The following PMS2 variants were observed in gnomAD, a reference collection of about 807,000 sequenced individuals.
PMS2 encodes the protein mismatch repair endonuclease PMS2.
PMS2 carries 69 observed loss-of-function variants against 90.0 expected under a neutral mutation model. That is an observed-to-expected ratio of 0.77 (90% confidence interval 0.63 to 0.94). The LOEUF is 0.94. Ranked by LOEUF, PMS2 falls within the 40% of genes least tolerant of loss-of-function variation. The pLI is 0.00. For synonymous variants in PMS2, 332 were observed against 375.1 expected, an observed-to-expected ratio of 0.89 and a Z score of 1.33; for missense variants, 966 against 1,040.2, an observed-to-expected ratio of 0.93 and a Z score of 0.98.
chr7:5,987,311 G>T lies in PMS2; in HGVS notation c.1454C>A (p.Thr485Lys), dbSNP rs1805323. 91,930 of 1,614,064 alleles carry T rather than the reference G, an allele frequency of 0.057. 5,854 individuals are homozygous for T. Among genetic ancestry groups the T allele is most frequent in the East Asian group, 0.37 (16,462 of 44,864 alleles). Residue 485 changes from threonine (T) to lysine (K), a missense_variant, in exon 11 of 15, where the codon ACG becomes AAG. Transcript: ENST00000265849. ...GTCCTTCTCCACCTCCGCTCTGTCC[G>T]TAGGGTCACTGGGTCCGTGACTGGA... ...VSSSHGPSDP[T>K]DRAEVEKDSG... is the part of the protein sequence containing the mutation.
At chr7:5,988,225 G>C (rs1455221553) in intron 10 of PMS2, among the ~76,000 whole-genome samples, 1 of 151,964 alleles carries the variant, frequency 6.6e-6, no homozygotes, top group Non-Finnish European at 1.5e-5. Context: ...AAAGTTCTCT[G>C]GGAATACCTC....
intron 5 of PMS2, chr7:6,001,832 A>C (rs968880741): frequency 2.0e-5 from 3 of 151,990 alleles, no homozygotes; most frequent in Admixed American, 1.3e-4. Context: ...GTCTCTACTA[A>C]AAATACAAAA....
chr7:5,998,323 G>A (rs1424518433), intron 6 of PMS2, among the ~76,000 whole-genome samples: 6 of 149,478 alleles, frequency 4.0e-5, no homozygotes, highest in South Asian at 2.1e-4. Context: ...CTCGTGATCC[G>A]CCCACCTCAG....
intron 6 of PMS2, among the ~76,000 whole-genome samples, chr7:5,998,413 C>T (rs1345737980): frequency 6.9e-6 from 1 of 145,974 alleles, no homozygotes; most frequent in African/African-American, 2.5e-5. Context: ...AATTCTTAAT[C>T]TGGGCGCAGT....
chr7:6,003,831 G>C (rs2128828211), intron 3 of PMS2, 39 bp from the exon 4 acceptor site: 2 of 1,380,176 alleles, frequency 1.4e-6, no homozygotes, highest in Non-Finnish European at 2.1e-6. Context: ...GATATCTCAA[G>C]TGCTATAACA....
In PMS2 at chr7:5,987,307, G is replaced by A. The variant is rs1554297734; in HGVS notation, c.1458C>T (p.Asp486=). ...CCGAGTCCTTCTCCACCTCCGCTCTGTCCGTAGGGTCACTGGGTCCGTGAC... is the reference window on the plus strand; with the variant it reads ...CCGAGTCCTTCTCCACCTCCGCTCTATCCGTAGGGTCACTGGGTCCGTGAC... The part of the protein sequence containing the change: ...SSSHGPSDPT[D]RAEVEKDSGH... Residue 486 remains aspartate, a synonymous_variant, in exon 11 of 15, where the codon GAC becomes GAT. Transcript: ENST00000265849. The A allele has an allele frequency of 1.2e-6, 2 of 1,614,130 alleles. No individual in the cohort carries two copies. The highest frequency in any genetic ancestry group is 1.1e-5 in the South Asian group (1 of 91,076).
intron 14 of PMS2, among the ~76,000 whole-genome samples, chr7:5,977,246 G>A (rs535794499): frequency 0.023 from 3,315 of 143,682 alleles, 34 homozygotes; most frequent in Non-Finnish European, 0.036. Context: ...TAGTAGAGAC[G>A]GGCTTTCACC....
intron 2 of PMS2, 92 bp downstream of exon 2, chr7:6,005,800 C>T (rs2128842144): frequency 1.9e-6 from 3 of 1,586,036 alleles, no homozygotes; most frequent in Non-Finnish European, 2.6e-6. Context: ...ACTACATCAA[C>T]ACTTGATAGT....
At chr7:5,994,367 C>T (rs906642072) in intron 8 of PMS2, among the ~76,000 whole-genome samples, 1 of 150,120 alleles carries the variant, frequency 6.7e-6, no homozygotes, top group African/African-American at 2.5e-5. Context: ...GCCAACAGGG[C>T]GAGACTCCAT....
rs2128776567 is a variant in PMS2, at chr7:5,995,640, A to G, written c.804-7T>C. 1 of 1,580,716 alleles carries G rather than the reference A, an allele frequency of 6.3e-7. No individual in the cohort carries two copies. Among genetic ancestry groups the G allele is most frequent in the Non-Finnish European group, 8.7e-7 (1 of 1,149,466 alleles). On this transcript the variant is annotated splice_region_variant and splice_polypyrimidine_tract_variant and intron_variant, in intron 7 of 14. Transcript: ENST00000265849. Reference sequence around the variant, plus strand: ...TGAAATGAAACCTGAGATGCTATTCAACATTAATATGGTAAGGGCAGGATT... The same window carrying G: ...TGAAATGAAACCTGAGATGCTATTCGACATTAATATGGTAAGGGCAGGATT...
chr7:5,998,675 C>A lies in PMS2; in HGVS notation c.705+433G>T, dbSNP rs1368806607. ...CGCCACTGCACTCCAACCTGGGCAACAGAGCAAGACTCCAGCTCAAAAAAA... is the reference window on the plus strand; with the variant it reads ...CGCCACTGCACTCCAACCTGGGCAAAAGAGCAAGACTCCAGCTCAAAAAAA... On this transcript the variant is annotated intron_variant, in intron 6 of 14. Coordinates refer to ENST00000265849, the MANE Select transcript of PMS2 (RefSeq NM_000535.7). Among the ~76,000 whole-genome samples the A allele has an allele frequency of 3.6e-5, 5 of 140,592 alleles. No homozygotes were observed. The East Asian group carries it at 8.5e-4, about 24-fold the overall frequency. The allele number at this position is 140,592 out of a possible 152,430, so 92.2% of individuals were successfully genotyped here. A position where few individuals can be genotyped will look rare whatever the true frequency, so the allele number is the denominator to read the frequency against.
chr7:5,994,966 T>G (rs1784212845), intron 8 of PMS2, among the ~76,000 whole-genome samples: 1 of 152,026 alleles, frequency 6.6e-6, no homozygotes, highest in Admixed American at 6.6e-5. Context: ...AAACAATGGT[T>G]CAATAGGTAC....
intron 5 of PMS2, chr7:6,002,181 C>T (rs114887050): frequency 0.012 from 4,367 of 373,856 alleles, 159 homozygotes; most frequent in African/African-American, 0.081. Context: ...AGGTACATGT[C>T]ACCATGCCCA....
rs543676964 is a variant in PMS2 at position 5,983,754 on chromosome 7, C to T, written c.2007-763G>A. On this transcript the variant is annotated intron_variant, in intron 11 of 14. Transcript: ENST00000265849. ...GCAACCTGCGCCTCCCAGGTTCGAG[C>T]GATTCTCCTGCCTCAGCCTCCCGAG... 1.9e-4 allele frequency among the ~76,000 whole-genome samples: 29 copies of T among 151,300 alleles called. 2 individuals carry two copies. In the East Asian group the frequency reaches 3.3e-3, roughly 17 times the overall value.
intron 8 of PMS2, among the ~76,000 whole-genome samples, chr7:5,993,560 A>C (rs887529949): frequency 5.3e-5 from 8 of 151,676 alleles, no homozygotes; most frequent in Admixed American, 6.6e-5. Context: ...ATAGAAATCT[A>C]TAGAAAATAT....
chr7:6,003,700 A>G lies in PMS2; in HGVS notation c.343T>C (p.Cys115Arg), dbSNP rs1290792398. 6.3e-7 allele frequency: 1 copy of G among 1,580,952 alleles called. No individual in the cohort carries two copies. The highest frequency in any genetic ancestry group is 8.6e-7 in the Non-Finnish European group (1 of 1,163,972). The change falls in exon 4 of 15, where the codon TGT becomes CGT. Residue 115 changes from cysteine to arginine, a missense_variant. Physicochemically the swap from Cys to Arg is radical, Grantham distance 180 (BLOSUM62 -3). Transcript: ENST00000265849. ...GFRGEALSSL[C>R]ALSDVTISTC... is the part of the protein sequence containing the mutation. ...AAAATATTGTATCACCTCAGTGCAC[A>G]AAGTGAGCTCAGAGCTTCCCCCCGA...
Position 5,995,657 on chromosome 7 carries a change from G to A in PMS2, c.804-24C>T, listed in dbSNP as rs2128776752. 4.0e-6 allele frequency: 6 copies of A among 1,495,674 alleles called. 1 individual carries two copies. Among genetic ancestry groups the A allele is most frequent in the East Asian group, 2.3e-5 (1 of 44,348 alleles). 92.7% of individuals were successfully genotyped at this position (1,495,674 alleles called of 1,614,324 possible). On this transcript the variant is annotated intron_variant, in intron 7 of 14. Coordinates refer to ENST00000265849, the MANE Select transcript of PMS2 (RefSeq NM_000535.7). ...TGCTATTCAACATTAATATGGTAAG[G>A]GCAGGATTCCAGAGTGAAAGGGATT...
At chr7:5,985,381 C>T (rs796946543) in intron 11 of PMS2, among the ~76,000 whole-genome samples, 2 of 148,094 alleles carry the variant, frequency 1.4e-5, no homozygotes, top group South Asian at 2.1e-4. Context: ...GCTGGAATTA[C>T]AAGGTGTGCA....
intron 5 of PMS2, among the ~76,000 whole-genome samples, chr7:5,999,712 C>T (rs547539552): frequency 6.6e-6 from 1 of 152,180 alleles, no homozygotes; most frequent in South Asian, 2.1e-4. Context: ...GGGAGGATCG[C>T]TTGAGCCTAG....
Sources: gnomAD v4.1 joint callset for allele counts (sites outside exome capture counted in the v4.1 genomes callset) on GRCh38, gnomAD v4.1.1 for gene constraint, MANE v1.5 for transcripts, NCBI Gene and HGNC (gene_info 2026-07-23, HGNC 2026-07-21) for gene names.